Variants in CFAP47 observed in about 807,000 individuals in gnomAD.
CFAP47 encodes cilia- and flagella-associated protein 47.
Under a neutral mutation model 148.1 loss-of-function variants are expected in CFAP47, and 29 were observed. That is an observed-to-expected ratio of 0.20 (90% CI 0.15 to 0.27). CFAP47 has a LOEUF of 0.27. CFAP47 is among the 10% of genes least tolerant of loss of function. CFAP47 has a pLI of 1.00. For synonymous variants in CFAP47, 664 were observed against 577.3 expected (o/e 1.15, Z -2.15); for missense variants, 1,872 against 1,697.5 (o/e 1.10, Z -1.81).
At chrX:36,339,060 G>A (rs1941631898) in intron 57 of CFAP47, among the ~76,000 whole-genome samples, 1 of 112,097 alleles carries the variant, frequency 8.9e-6, no homozygotes, top group Non-Finnish European at 1.9e-5. Flanking sequence ...TATCCTCAGT[G>A]CTTATTATAA....
At chrX:36,159,398 G>A (rs758505031) in intron 37 of CFAP47, 28 bp from the exon 38 acceptor site, 18 of 293,975 alleles carry the variant, frequency 6.1e-5, no homozygotes, top group South Asian at 2.1e-4. Flanking sequence ...TTGTTAAAAC[G>A]TTTTCTCTTT....
At chrX:36,121,563 G>A (rs1278191248) in intron 33 of CFAP47, among the ~76,000 whole-genome samples, 1 of 110,581 alleles carries the variant, frequency 9.0e-6, no homozygotes, top group Admixed American at 9.7e-5. Flanking sequence ...TTACCATTAG[G>A]CTTGCAAATA....
chrX:36,254,168 A>G (rs1555998613), intron 49 of CFAP47, among the ~76,000 whole-genome samples: 2 of 111,196 alleles, frequency 1.8e-5, no homozygotes, highest in African/African-American at 6.5e-5. Context: ...AATCCCAACA[A>G]TGGGGGTCTG....
At chrX:36,152,358 C>G in intron 37 of CFAP47, among the ~76,000 whole-genome samples, 1 of 111,518 alleles carries the variant, frequency 9.0e-6, no homozygotes, top group South Asian at 3.8e-4. Flanking sequence ...AACTAGGTAT[C>G]CAGAACTTAC....
chrX:35,961,810 A>G (rs1398772351), intron 8 of CFAP47, among the ~76,000 whole-genome samples: 1 of 110,980 alleles, frequency 9.0e-6, no homozygotes, highest in Non-Finnish European at 1.9e-5. Flanking sequence ...ATTTTCTATT[A>G]TCTTTATTAT....
intron 10 of CFAP47, among the ~76,000 whole-genome samples, chrX:35,969,026 G>C (rs770787389): frequency 9.1e-6 from 1 of 109,507 alleles, no homozygotes; most frequent in South Asian, 3.8e-4. Context: ...TATGTATATA[G>C]AGATATAATG....
chrX:36,216,723 AG>A (rs1176896704), intron 45 of CFAP47, among the ~76,000 whole-genome samples: 1 of 111,409 alleles, frequency 9.0e-6, no homozygotes, highest in African/African-American at 3.3e-5. Flanking sequence ...GAAATCACAG[AG>A]GGTAAAAGCC....
chrX:36,251,834 G>A (rs1467313079), intron 49 of CFAP47, among the ~76,000 whole-genome samples: 1 of 111,575 alleles, frequency 9.0e-6, no homozygotes, highest in Non-Finnish European at 1.9e-5. Context: ...GCACTTACTT[G>A]ATATATGAAA....
chrX:36,189,126 G>T (rs1939838974), intron 41 of CFAP47, among the ~76,000 whole-genome samples: 1 of 111,482 alleles, frequency 9.0e-6, no homozygotes, highest in African/African-American at 3.3e-5. Flanking sequence ...ACATAGGAAT[G>T]TTCTGGTTAT....
chrX:36,104,453 T>C (rs1938432457), intron 32 of CFAP47, 46 bp from the exon 33 acceptor site: 3 of 460,868 alleles, frequency 6.5e-6, no homozygotes, highest in Non-Finnish European at 1.0e-5. Context: ...ATTAATTTGC[T>C]ATTTTTCCAT....
chrX:36,159,330 G>C, intron 37 of CFAP47, 96 bp from the exon 38 acceptor site: 1 of 291,616 alleles, frequency 3.4e-6, no homozygotes, highest in Non-Finnish European at 6.0e-6. Flanking sequence ...ACCTTGCAGG[G>C]GGATGTAGGC....
At chrX:36,026,902 T>G (rs1279338665) in intron 22 of CFAP47, among the ~76,000 whole-genome samples, 12 of 109,658 alleles carry the variant, frequency 1.1e-4, no homozygotes, top group African/African-American at 4.0e-4. Context: ...CAAATAATTT[T>G]TCTTCAAAAT....
chrX:36,031,333 G>T lies in CFAP47; in HGVS notation c.3637G>T (p.Val1213Phe), dbSNP rs1258926953. The T allele has an allele frequency of 4.5e-5, 13 of 288,348 alleles. No homozygotes were observed. The highest frequency in any genetic ancestry group is 6.7e-5 in the Non-Finnish European group (11 of 165,226). The allele number at this position is 288,348 out of a possible 1,213,427, so 23.8% of individuals were successfully genotyped here. A position where few individuals can be genotyped will look rare whatever the true frequency, so the allele number is the denominator to read the frequency against. ...ACATGAGATGAATCCTAATAACAAG[G>T]TCACAAAAACTCAGGTATGTATAAA... The part of the protein sequence containing the change: ...PLHEMNPNNK[V>F]TKTQNLVLYN... The change falls in exon 23 of 64, where the codon GTC (valine) becomes TTC (phenylalanine). Residue 1213 changes from valine to phenylalanine, a missense_variant. Val to Phe is a conservative substitution (Grantham distance 50). Transcript: ENST00000378653.
chrX:35,952,020 A>G (rs1936174145), intron 6 of CFAP47, 57 bp downstream of exon 6: 1 of 1,084,387 alleles, frequency 9.2e-7, no homozygotes, highest in Non-Finnish European at 1.2e-6. Flanking sequence ...TATATTAACC[A>G]CACTTTAATC....
intron 29 of CFAP47, among the ~76,000 whole-genome samples, chrX:36,073,901 G>A (rs1043630179): frequency 9.0e-6 from 1 of 111,375 alleles, no homozygotes; most frequent in African/African-American, 3.3e-5. Context: ...GTTTAGGCCT[G>A]TTACTGGTTA....
chrX:35,989,321 A>G lies in CFAP47; in HGVS notation c.2716A>G (p.Thr906Ala). 1.7e-6 allele frequency: 2 copies of G among 1,190,392 alleles called. No individual in the cohort carries two copies. Among genetic ancestry groups the G allele is most frequent in the Non-Finnish European group, 2.3e-6 (2 of 876,727 alleles). ...TTTTCTCTCTACATTTTCCGTAGGCACTGTTGAAGCATATTCCTCACTGGA... is the reference window on the plus strand; with the variant it reads ...TTTTCTCTCTACATTTTCCGTAGGCGCTGTTGAAGCATATTCCTCACTGGA... ...IAFSICPAKG[T>A]VEAYSSLECE... Residue 906 changes from threonine (T) to alanine (A), a missense_variant and splice_region_variant, in exon 16 of 64, where the codon ACT becomes GCT. Physicochemically the swap from Thr to Ala is moderately conservative, Grantham distance 58. Transcript: ENST00000378653.
chrX:36,176,378 C>T (rs1386213329), intron 39 of CFAP47, among the ~76,000 whole-genome samples: 1 of 112,194 alleles, frequency 8.9e-6, no homozygotes, highest in Admixed American at 9.4e-5. Flanking sequence ...CACTGGTTGT[C>T]TAGTTTTGTA....
At chrX:36,172,782 C>A (rs1034609342) in intron 39 of CFAP47, among the ~76,000 whole-genome samples, 4 of 111,143 alleles carry the variant, frequency 3.6e-5, no homozygotes, top group East Asian at 2.8e-4. Flanking sequence ...TGTCTCTGCC[C>A]GGCTTTGGTA....
At chrX:35,988,654 T>C (rs1329894851) in intron 15 of CFAP47, among the ~76,000 whole-genome samples, 1 of 112,026 alleles carries the variant, frequency 8.9e-6, no homozygotes, top group Non-Finnish European at 1.9e-5. Flanking sequence ...CTTCTGCCTT[T>C]CCGAAGGAAG....
Sources: gnomAD v4.1 joint callset for allele counts (sites outside exome capture counted in the v4.1 genomes callset) on GRCh38, gnomAD v4.1.1 for gene constraint, MANE v1.5 for transcripts, NCBI Gene and HGNC (gene_info 2026-07-23, HGNC 2026-07-21) for gene names.